Variants in RNF213 observed in about 807,000 individuals in gnomAD.
The protein encoded by RNF213 is E3 ubiquitin-protein ligase RNF213.
Under a neutral mutation model 514.4 loss-of-function variants are expected in RNF213, and 341 were observed. That is an observed-to-expected ratio of 0.66 (90% CI 0.61 to 0.73). The LOEUF is 0.73. Ranked by LOEUF, RNF213 falls within the 30% of genes least tolerant of loss-of-function variation. RNF213 has a pLI of 0.00. For synonymous variants in RNF213, 2,655 were observed against 2,658.2 expected (o/e 1.00, Z 0.04); for missense variants, 5,767 against 6,615.6 (o/e 0.87, Z 4.45).
chr17:80,278,788 G>C (rs2044158167), intron 3 of RNF213: 3 of 1,537,096 alleles, frequency 2.0e-6, no homozygotes, highest in African/African-American at 2.7e-5. Flanking sequence ...GGTTTTGGTA[G>C]ATGCTGCTGT....
At chr17:80,354,738 G>A (rs1279862443) in intron 36 of RNF213, 162 bp downstream of exon 36, 20 of 875,786 alleles carry the variant, frequency 2.3e-5, no homozygotes, top group Middle Eastern at 3.3e-4. Flanking sequence ...GAAGCACACA[G>A]TAGGTCTGGA....
Position 80,344,999 on chromosome 17 carries a change from C to G in RNF213, c.6664C>G (p.Leu2222Val). The G allele has an allele frequency of 6.2e-7, 1 of 1,614,138 alleles. No individual in the cohort carries two copies. The highest frequency in any genetic ancestry group is 1.1e-5 in the South Asian group (1 of 91,088). Residue 2222 changes from leucine to valine, a missense_variant, in exon 29 of 68, where the codon CTG (leucine) becomes GTG (valine). Coordinates refer to ENST00000582970, the MANE Select transcript of RNF213 (RefSeq NM_001256071.3). ...WSELRNFARFLNYQLRDCEAS... is the reference protein window; with the variant it reads ...WSELRNFARFVNYQLRDCEAS... ...AGAGCTTCGGAACTTTGCTCGGTTC[C>G]TGAATTATCAGCTCAGAGATTGTGA...
Position 80,379,679 on chromosome 17 carries a change from T to C in RNF213, c.13605T>C (p.Ile4535=). ...ACTGCCATGCGCCGATTGGAGGCAT[T>C]GACCACAAACCTCGGGACGGCTTTC... ...CIDCHAPIGG[I]DHKPRDGFHL... is the part of the protein sequence containing the mutation. The change falls in exon 55 of 68, where the codon ATT becomes ATC. Residue 4535 remains isoleucine, a synonymous_variant. Coordinates refer to ENST00000582970, the MANE Select transcript of RNF213 (RefSeq NM_001256071.3). 1.2e-6 allele frequency: 2 copies of C among 1,614,248 alleles called. No homozygotes were observed. Among genetic ancestry groups the C allele is most frequent in the East Asian group, 2.2e-5 (1 of 44,884 alleles).
At position 80,340,148 on chromosome 17, in the gene RNF213, C is replaced by T. The variant is rs762294697; in HGVS notation, c.5781C>T (p.Val1927=). The T allele has an allele frequency of 3.1e-6, 5 of 1,613,922 alleles. No homozygotes were observed. The highest frequency in any genetic ancestry group is 4.2e-6 in the Non-Finnish European group (5 of 1,180,022). Residue 1927 remains valine (V), a synonymous_variant, in exon 26 of 68, where the codon GTC becomes GTT. Transcript: ENST00000582970. ...TQQHREDYQL[V]MVCDGDWEHC... The stretch of plus-strand genomic sequence containing the variant: ...AGCACCGAGAAGACTACCAGCTCGT[C>T]ATGGTCTGTGATGGGGACTGGGAGC...
chr17:80,371,685 G>C (rs766070232), intron 46 of RNF213, 189 bp from the exon 47 acceptor site: 109 of 512,350 alleles, frequency 2.1e-4, no homozygotes, highest in Non-Finnish European at 3.2e-4. Context: ...GGTCTAAAAT[G>C]TGAGTTTTAT....
In RNF213 at chr17:80,328,133, A is replaced by G. The variant is rs2046326284; in HGVS notation, c.3367+144A>G. The stretch of plus-strand genomic sequence containing the variant: ...TATCTCTTCTTGCTCATAAGTTGAT[A>G]GGGGTGGTTTATAATTCTCAAGAAC... On this transcript the variant is annotated intron_variant, in intron 19 of 67. Coordinates refer to ENST00000582970, the MANE Select transcript of RNF213 (RefSeq NM_001256071.3). The G allele has an allele frequency of 6.0e-6, 7 of 1,168,792 alleles. No homozygotes were observed. The East Asian group carries it at 1.8e-4, about 30-fold the overall frequency. The allele number at this position is 1,168,792 out of a possible 1,614,324, so 72.4% of individuals were successfully genotyped here.
intron 18 of RNF213, among the ~76,000 whole-genome samples, chr17:80,325,689 G>A (rs1169910932): frequency 5.3e-5 from 8 of 150,670 alleles, no homozygotes; most frequent in Middle Eastern, 3.2e-3. Context: ...CCAGCCCCCC[G>A]CGCCCCAGGT....
chr17:80,365,390 G>A lies in RNF213; in HGVS notation c.11871+837G>A, dbSNP rs145288878. ...ATGGGTATGAGCAGCCCAAGGCTAA[G>A]GTACCAGCTCCCCGGAGGCTGGCAC... On this transcript the variant is annotated intron_variant, in intron 42 of 67. Coordinates refer to ENST00000582970, the MANE Select transcript of RNF213 (RefSeq NM_001256071.3). 1,321 of 152,300 alleles carry A rather than the reference G, an allele frequency of 8.7e-3. 16 individuals are homozygous for A. The highest frequency in any genetic ancestry group is 0.023 in the Admixed American group (353 of 15,292). 9.4% of individuals were successfully genotyped at this position (152,300 alleles called of 1,614,324 possible).
intron 3 of RNF213, among the ~76,000 whole-genome samples, chr17:80,282,474 C>G (rs1257671237): frequency 6.6e-6 from 1 of 152,186 alleles, no homozygotes; most frequent in Admixed American, 6.5e-5. Context: ...TCTCGGCTCA[C>G]TGCAAGCTCC....
At chr17:80,266,886 TAG>T (rs1419213111) in intron 2 of RNF213, among the ~76,000 whole-genome samples, 1 of 152,176 alleles carries the variant, frequency 6.6e-6, no homozygotes, top group Non-Finnish European at 1.5e-5. Flanking sequence ...GATAGGCTGA[TAG>T]CTAGGCCTCT....
chr17:80,384,869 C>A, intron 59 of RNF213, 170 bp from the exon 60 acceptor site: 2 of 738,596 alleles, frequency 2.7e-6, no homozygotes, highest in Non-Finnish European at 2.3e-6. Flanking sequence ...TGTCTGTAGA[C>A]TTGTGGGAAG....
chr17:80,319,772 A>G (rs2046075924), intron 17 of RNF213: 8 of 1,273,590 alleles, frequency 6.3e-6, no homozygotes, highest in Non-Finnish European at 7.0e-6. Context: ...AGGGGAAGAG[A>G]TTGTGCCCCC....
intron 2 of RNF213, among the ~76,000 whole-genome samples, chr17:80,272,056 G>A (rs1401715629): frequency 6.6e-6 from 1 of 151,640 alleles, no homozygotes; most frequent in African/African-American, 2.4e-5. Context: ...AGGGCAAGAC[G>A]GGTGGATCAT....
intron 41 of RNF213, 120 bp from the exon 42 acceptor site, chr17:80,364,313 C>A: frequency 7.1e-7 from 1 of 1,405,106 alleles, no homozygotes; most frequent in Non-Finnish European, 1.0e-6. Flanking sequence ...TGCTTGTAAT[C>A]CCAGCCGCTG....
At position 80,354,495 on chromosome 17, in the gene RNF213, A is replaced by AAG. The variant is rs755298235; in HGVS notation, c.10786_10787dup (p.Ser3596ArgfsTer45). The stretch of plus-strand genomic sequence containing the variant: ...CTCAGTGTCTTTTTAAAGAAGCAAG[A>AAG]AGAGAGCCAGTTTCACCCTCTGGAG... On this transcript the variant is annotated frameshift_variant, in exon 36 of 68. Transcript: ENST00000582970. LOFTEE classifies it high-confidence loss of function. The AAG allele has an allele frequency of 6.2e-7, 1 of 1,614,234 alleles. No individual in the cohort carries two copies. The highest frequency in any genetic ancestry group is 2.2e-5 in the East Asian group (1 of 44,886).
intron 67 of RNF213, 103 bp downstream of exon 67, chr17:80,390,299 C>G (rs182858403): frequency 7.5e-7 from 1 of 1,337,014 alleles, no homozygotes; most frequent in East Asian, 2.3e-5. Context: ...ACCACAGAAT[C>G]CCATTTCCTG....
Position 80,349,189 on chromosome 17 carries a change from G to A in RNF213, c.9952-581G>A, listed in dbSNP as rs189063217. ...TCATCATGACAGATACCGCAGGAAC[G>A]GACAGCAGGTTGTGGGAGGCTAGTG... On this transcript the variant is annotated intron_variant, in intron 29 of 67. Transcript: ENST00000582970. Among the ~76,000 whole-genome samples the A allele has an allele frequency of 4.0e-4, 61 of 152,308 alleles. No individual in the cohort carries two copies. In the East Asian group the frequency reaches 0.011, roughly 27 times the overall value.
chr17:80,292,861 T>G (rs1307171734), intron 8 of RNF213, among the ~76,000 whole-genome samples: 1 of 152,102 alleles, frequency 6.6e-6, no homozygotes, highest in Non-Finnish European at 1.5e-5. Flanking sequence ...GTTGTTGCTT[T>G]CCCTTGGCAA....
At chr17:80,307,542 GGTTT>G (rs34105320) in intron 13 of RNF213, among the ~76,000 whole-genome samples, 63,119 of 145,860 alleles carry the variant, frequency 0.43, 15,157 homozygotes, top group African/African-American at 0.68. Flanking sequence ...TTTGTGTGTT[GGTTT>G]GTTTGTTTGT....
Sources: allele counts gnomAD v4.1 joint callset (sites outside exome capture counted in the v4.1 genomes callset), GRCh38; gene constraint gnomAD v4.1.1; transcripts MANE v1.5; gene names NCBI Gene and HGNC (gene_info 2026-07-23, HGNC 2026-07-21).